The following LIPI variants were observed in gnomAD, a reference collection of about 807,000 sequenced individuals.
LIPI encodes the protein lipase I, also known as lipase member I.
In LIPI, 59 loss-of-function variants were observed where a neutral mutation model predicts 50.6. The ratio of observed to expected loss-of-function variants is 1.16; its 90% CI spans 0.94 to 1.45. LIPI has a LOEUF of 1.45. Ranked by LOEUF, LIPI falls within the 40% of genes most tolerant of loss-of-function variation. The pLI, the probability that LIPI is intolerant of heterozygous loss-of-function variation, is 0.00. For missense variants in LIPI, 586 were observed against 536.3 expected (o/e 1.09, Z -0.92); for synonymous variants, 203 against 178.2 (o/e 1.14, Z -1.11).
chr21:14,181,338 T>C (rs1936009586), intron 4 of LIPI, among the ~76,000 whole-genome samples: 1 of 152,178 alleles, frequency 6.6e-6, no homozygotes, highest in South Asian at 2.1e-4. Context: ...TATTCTTTAT[T>C]TGTGGCTGAA....
chr21:14,132,575 T>G (rs966724812), intron 9 of LIPI, among the ~76,000 whole-genome samples: 2 of 151,946 alleles, frequency 1.3e-5, no homozygotes, highest in Non-Finnish European at 2.9e-5. Context: ...CTCAAAGGGA[T>G]CCTAAACATG....
intron 7 of LIPI, among the ~76,000 whole-genome samples, chr21:14,162,768 G>T (rs187330243): frequency 5.0e-4 from 76 of 151,792 alleles, no homozygotes; most frequent in Admixed American, 9.2e-4. Flanking sequence ...TATTTTATGA[G>T]AATCTATTTT....
chr21:14,209,776 C>A (rs2020318538), intron 1 of LIPI, among the ~76,000 whole-genome samples: 1 of 151,934 alleles, frequency 6.6e-6, no homozygotes, highest in African/African-American at 2.4e-5. Flanking sequence ...ATGATTATAA[C>A]TGTATTAAAA....
At chr21:14,161,960 A>T (rs2018513148) in intron 7 of LIPI, among the ~76,000 whole-genome samples, 1 of 141,836 alleles carries the variant, frequency 7.1e-6, no homozygotes, top group African/African-American at 2.6e-5. Context: ...ATATTATTTC[A>T]CTCAGCATAA....
At chr21:14,128,324 T>A (rs544246248) in intron 9 of LIPI, among the ~76,000 whole-genome samples, 3 of 152,040 alleles carry the variant, frequency 2.0e-5, no homozygotes. Flanking sequence ...CTGTTATTTT[T>A]AAACTAGTAA....
intron 1 of LIPI, among the ~76,000 whole-genome samples, chr21:14,195,450 C>G (rs927829531): frequency 2.0e-5 from 3 of 152,096 alleles, no homozygotes; most frequent in Non-Finnish European, 4.4e-5. Context: ...TAAACCAAGT[C>G]TAGAATAAAA....
chr21:14,140,037 G>A (rs916535300), intron 9 of LIPI, among the ~76,000 whole-genome samples: 1 of 152,158 alleles, frequency 6.6e-6, no homozygotes, highest in Non-Finnish European at 1.5e-5. Flanking sequence ...GTGAAGGCAA[G>A]ACTTTTGAGA....
At position 14,163,411 on chromosome 21, in the gene LIPI, T is replaced by C. The variant is rs375628515; in HGVS notation, c.1006+8A>G. ...TTTGTTTATTTGTTAAAATTGTTAA[T>C]AACTTACTACAGAATGGATATGTAC... On this transcript the variant is annotated splice_region_variant and intron_variant, in intron 7 of 9. Transcript: ENST00000681601. 5.1e-5 allele frequency: 64 copies of C among 1,261,596 alleles called. No homozygotes were observed. In the African/African-American group the frequency reaches 8.8e-4, roughly 17 times the overall value. 78.2% of individuals were successfully genotyped at this position (1,261,596 alleles called of 1,614,324 possible).
At chr21:14,188,984 C>A in intron 2 of LIPI, 50 bp downstream of exon 2, 1 of 1,376,086 alleles carries the variant, frequency 7.3e-7, no homozygotes, top group East Asian at 2.3e-5. Flanking sequence ...TTGTATAGCA[C>A]GTATAATATA....
chr21:14,169,147 C>T (rs959649275), intron 4 of LIPI, among the ~76,000 whole-genome samples: 1 of 152,142 alleles, frequency 6.6e-6, no homozygotes, highest in African/African-American at 2.4e-5. Context: ...GGGATCAATT[C>T]AACAAGAAGA....
intron 7 of LIPI, among the ~76,000 whole-genome samples, chr21:14,160,850 C>T (rs1469066139): frequency 4.6e-5 from 7 of 151,196 alleles, no homozygotes; most frequent in African/African-American, 1.7e-4. Flanking sequence ...ACACATTTCA[C>T]CAAAGGTGAT....
chr21:14,174,703 G>C (rs1168584907), intron 4 of LIPI, among the ~76,000 whole-genome samples: 2 of 152,128 alleles, frequency 1.3e-5, no homozygotes, highest in Non-Finnish European at 1.5e-5. Flanking sequence ...AAAGGTGCAT[G>C]CCACCATGCC....
chr21:14,174,678 C>T (rs1036783820), intron 4 of LIPI, among the ~76,000 whole-genome samples: 1 of 152,100 alleles, frequency 6.6e-6, no homozygotes, highest in Non-Finnish European at 1.5e-5. Context: ...CTCAGCCTCC[C>T]AAGTAGCTGG....
At chr21:14,193,354 A>G (rs1031487543) in intron 1 of LIPI, among the ~76,000 whole-genome samples, 24 of 152,284 alleles carry the variant, frequency 1.6e-4, no homozygotes, top group Middle Eastern at 3.4e-3. Flanking sequence ...TTTAAGACAT[A>G]CAGAAAACTA....
At chr21:14,196,422 G>T (rs1346120026) in intron 1 of LIPI, among the ~76,000 whole-genome samples, 2 of 152,038 alleles carry the variant, frequency 1.3e-5, no homozygotes, top group Non-Finnish European at 2.9e-5. Flanking sequence ...GGTGTGGAAG[G>T]GATTAATTGC....
At chr21:14,166,094 C>G (rs976983820) in intron 5 of LIPI, among the ~76,000 whole-genome samples, 1 of 152,026 alleles carries the variant, frequency 6.6e-6, no homozygotes, top group African/African-American at 2.4e-5. Flanking sequence ...CAATGACTTA[C>G]GACTTCTCCT....
chr21:14,182,804 G>A (rs1356481031), intron 3 of LIPI, among the ~76,000 whole-genome samples: 12 of 151,522 alleles, frequency 7.9e-5, no homozygotes, highest in Admixed American at 6.6e-4. Flanking sequence ...CCTCTTCAAG[G>A]AGAACTACAA....
chr21:14,142,442 A>T (rs1406551156), intron 9 of LIPI, among the ~76,000 whole-genome samples: 2 of 149,574 alleles, frequency 1.3e-5, no homozygotes, highest in Non-Finnish European at 3.0e-5. Context: ...ATTATGTATT[A>T]TATAAGTATA....
In LIPI at chr21:14,127,097, AC is replaced by A. The variant is rs142527435; in HGVS notation, c.1295+17525del. Among the ~76,000 whole-genome samples, 1,923 of 152,154 alleles carry A rather than the reference AC, an allele frequency of 0.013. 68 individuals are homozygous for A. The East Asian group carries it at 0.16, about 12-fold the overall frequency. The stretch of plus-strand genomic sequence containing the variant: ...TCTCAGCCCTAAGGTCTGAGGTCCT[AC>A]TCTACTGGAAGCACCTAGAAGGAGA... On this transcript the variant is annotated intron_variant, in intron 9 of 9. Transcript: ENST00000681601.
Sources: allele counts gnomAD v4.1 joint callset (sites outside exome capture counted in the v4.1 genomes callset), GRCh38; gene constraint gnomAD v4.1.1; transcripts MANE v1.5; gene names NCBI Gene and HGNC (gene_info 2026-07-23, HGNC 2026-07-21).